ARHGAP24: variants seen among roughly 807,000 people sequenced by gnomAD.
ARHGAP24 encodes rho GTPase-activating protein 24.
A neutral mutation model predicts 76.4 loss-of-function variants in ARHGAP24; 50 were observed. That is an observed-to-expected ratio of 0.65 (90% CI 0.52 to 0.83). The LOEUF (loss-of-function observed/expected upper bound fraction) is 0.83, where lower values mean the gene tolerates loss of function less well. ARHGAP24 is among the 40% of genes least tolerant of loss of function. ARHGAP24 has a pLI of 0.00. For synonymous variants in ARHGAP24, 345 were observed against 323.3 expected (o/e 1.07, Z -0.72); for missense variants, 930 against 914.2 (o/e 1.02, Z -0.22).
At position 85,786,663 on chromosome 4, in the gene ARHGAP24, G is replaced by A. The variant is rs564100101; in HGVS notation, c.268+64691G>A. 5.5e-5 allele frequency among the ~76,000 whole-genome samples: 8 copies of A among 146,550 alleles called. No individual in the cohort carries two copies. The South Asian group carries it at 1.7e-3, about 32-fold the overall frequency. ...TATCTCTTATGAACACACACACACA[G>A]AGATATTGGGGGAAATTGTTTGGGA... is the stretch of plus-strand genomic sequence containing the variant. On this transcript the variant is annotated intron_variant, in intron 3 of 9. Transcript: ENST00000395184.
chr4:85,675,830 C>G (rs558268855), intron 2 of ARHGAP24, among the ~76,000 whole-genome samples: 1 of 152,152 alleles, frequency 6.6e-6, no homozygotes, highest in Admixed American at 6.6e-5. Context: ...CTCCTATCCA[C>G]TCAAAGTCAT....
intron 1 of ARHGAP24, among the ~76,000 whole-genome samples, chr4:85,481,375 T>C (rs1722810135): frequency 6.6e-6 from 1 of 152,188 alleles, no homozygotes; most frequent in Non-Finnish European, 1.5e-5. Flanking sequence ...AATTTTCAAA[T>C]AATAAACTGT....
At chr4:85,780,558 C>G (rs938635708) in intron 3 of ARHGAP24, among the ~76,000 whole-genome samples, 2 of 152,000 alleles carry the variant, frequency 1.3e-5, no homozygotes, top group African/African-American at 4.8e-5. Flanking sequence ...TCTTTACTTA[C>G]TGGTGTAGAC....
intron 6 of ARHGAP24, 96 bp downstream of exon 6, chr4:85,972,264 G>A (rs957197768): frequency 6.6e-7 from 1 of 1,510,372 alleles, no homozygotes; most frequent in South Asian, 1.1e-5. Context: ...CCCTATCCCG[G>A]TGTTACTCTC....
intron 2 of ARHGAP24, among the ~76,000 whole-genome samples, chr4:85,634,793 A>T (rs1177495261): frequency 6.6e-6 from 1 of 151,838 alleles, no homozygotes; most frequent in Non-Finnish European, 1.5e-5. Context: ...AACTCTTGAG[A>T]TGCTTAGAAT....
intron 2 of ARHGAP24, among the ~76,000 whole-genome samples, chr4:85,632,220 A>G (rs72656213): frequency 0.012 from 1,815 of 152,046 alleles, 20 homozygotes; most frequent in Non-Finnish European, 0.014. Flanking sequence ...TCTGATCTCT[A>G]TATAGCCTCA....
At chr4:85,968,663 G>C (rs1475839330) in intron 5 of ARHGAP24, among the ~76,000 whole-genome samples, 2 of 152,010 alleles carry the variant, frequency 1.3e-5, no homozygotes, top group East Asian at 3.9e-4. Context: ...ATGTGACTGA[G>C]AACCTCTTGA....
rs565555779 is a variant in ARHGAP24, at chr4:85,720,938, A to G, written c.181-947A>G. ...ATGTAAGTGGAATGCTGGGTGCATC[A>G]ACCAGGCTGCAGTGGGTACAGTGAA... On this transcript the variant is annotated intron_variant, in intron 2 of 9. Coordinates refer to ENST00000395184, the MANE Select transcript of ARHGAP24 (RefSeq NM_001025616.3). 8.5e-5 allele frequency among the ~76,000 whole-genome samples: 13 copies of G among 152,332 alleles called. No homozygotes were observed. The South Asian group carries it at 2.5e-3, about 29-fold the overall frequency.
chr4:85,533,407 C>T (rs1470516056), intron 1 of ARHGAP24, among the ~76,000 whole-genome samples: 1 of 152,120 alleles, frequency 6.6e-6, no homozygotes, highest in East Asian at 1.9e-4. Flanking sequence ...CTTAAACTTA[C>T]ATTATTCTGT....
chr4:85,667,328 C>T (rs929595240), intron 2 of ARHGAP24, among the ~76,000 whole-genome samples: 8 of 152,120 alleles, frequency 5.3e-5, no homozygotes, highest in East Asian at 1.9e-4. Context: ...TCTCCTGGTG[C>T]GCCATTTTTT....
chr4:85,558,578 G>T (rs1726478012), intron 1 of ARHGAP24, among the ~76,000 whole-genome samples: 1 of 151,276 alleles, frequency 6.6e-6, no homozygotes, highest in African/African-American at 2.4e-5. Context: ...ACCTTCCTCA[G>T]ATTCTAAAAA....
At chr4:85,926,723 C>T (rs532312342) in intron 4 of ARHGAP24, among the ~76,000 whole-genome samples, 3 of 151,922 alleles carry the variant, frequency 2.0e-5, no homozygotes, top group Admixed American at 6.6e-5. Flanking sequence ...ACTTTTCTGC[C>T]GATTTGCAAT....
At chr4:85,665,212 T>C (rs1722565251) in intron 2 of ARHGAP24, among the ~76,000 whole-genome samples, 1 of 152,180 alleles carries the variant, frequency 6.6e-6, no homozygotes, top group African/African-American at 2.4e-5. Flanking sequence ...ATTGGGTGCA[T>C]ATATATTTAG....
intron 1 of ARHGAP24, among the ~76,000 whole-genome samples, chr4:85,559,009 ATC>A (rs3028014): frequency 1.1e-5 from 1 of 88,330 alleles, no homozygotes; most frequent in Admixed American, 1.7e-4. Flanking sequence ...GAAAGCTTTC[ATC>A]TTAGCTTAAA....
At chr4:85,945,700 C>T (rs953807692) in intron 5 of ARHGAP24, among the ~76,000 whole-genome samples, 7 of 144,720 alleles carry the variant, frequency 4.8e-5, no homozygotes, top group Non-Finnish European at 7.4e-5. Flanking sequence ...GCAGAGGTTG[C>T]AGTGAGCCGA....
chr4:85,628,298 T>C (rs1215414820), intron 2 of ARHGAP24, among the ~76,000 whole-genome samples: 1 of 152,192 alleles, frequency 6.6e-6, no homozygotes, highest in African/African-American at 2.4e-5. Context: ...TTTTCTGAAA[T>C]TTCTCCTGTC....
intron 2 of ARHGAP24, among the ~76,000 whole-genome samples, chr4:85,688,337 T>G (rs1026903830): frequency 2.0e-5 from 3 of 152,236 alleles, no homozygotes; most frequent in African/African-American, 7.2e-5. Flanking sequence ...ATAATGAATA[T>G]TTTTTCATGT....
chr4:85,683,592 A>T (rs536253873), intron 2 of ARHGAP24, among the ~76,000 whole-genome samples: 12 of 152,202 alleles, frequency 7.9e-5, no homozygotes, highest in Non-Finnish European at 1.3e-4. Context: ...TTTAAAACAT[A>T]TTAGATTTTT....
intron 8 of ARHGAP24, chr4:85,990,292 T>C (rs1740245838): frequency 6.6e-6 from 1 of 151,628 alleles, no homozygotes; most frequent in Admixed American, 6.6e-5. Flanking sequence ...AAGAACTACA[T>C]AAATGTGGAA....
Sources: allele counts gnomAD v4.1 joint callset (sites outside exome capture counted in the v4.1 genomes callset), GRCh38; gene constraint gnomAD v4.1.1; transcripts MANE v1.5; gene names NCBI Gene and HGNC (gene_info 2026-07-23, HGNC 2026-07-21).